The following STRBP variants were observed in gnomAD, a reference collection of about 807,000 sequenced individuals.
STRBP encodes the protein spermatid perinuclear RNA-binding protein.
STRBP carries 13 observed loss-of-function variants against 80.1 expected under a neutral mutation model. That is an observed-to-expected ratio of 0.16 (90% confidence interval 0.11 to 0.26). The LOEUF (loss-of-function observed/expected upper bound fraction) is 0.26. Among genes scored for constraint, STRBP ranks in the 10% least tolerant of loss-of-function variants. The pLI is 1.00. For missense variants in STRBP, 485 were observed against 815.2 expected (o/e 0.59, Z 4.93); for synonymous variants, 284 against 291.2 (o/e 0.98, Z 0.25).
intron 1 of STRBP, among the ~76,000 whole-genome samples, chr9:123,264,627 G>C (rs559680457): frequency 6.6e-5 from 10 of 152,320 alleles, no homozygotes; most frequent in African/African-American, 2.4e-4. Flanking sequence ...GATTTCTAGA[G>C]AAGAAACCAG....
At chr9:123,252,375 G>C (rs963535464) in intron 1 of STRBP, among the ~76,000 whole-genome samples, 8 of 152,138 alleles carry the variant, frequency 5.3e-5, no homozygotes, top group African/African-American at 1.9e-4. Context: ...TTTTAAAAGA[G>C]GAAAGGTCTT....
At chr9:123,189,887 T>G (rs1010749884) in intron 2 of STRBP, among the ~76,000 whole-genome samples, 1 of 151,934 alleles carries the variant, frequency 6.6e-6, no homozygotes, top group Non-Finnish European at 1.5e-5. Context: ...AAAAGATAAA[T>G]TATGTGAGAT....
intron 17 of STRBP, among the ~76,000 whole-genome samples, chr9:123,128,788 A>T (rs890110696): frequency 2.0e-5 from 3 of 152,212 alleles, no homozygotes; most frequent in African/African-American, 7.2e-5. Context: ...CCATTAAAAC[A>T]GGCACATGAG....
chr9:123,221,321 A>G (rs2040059556), intron 2 of STRBP, among the ~76,000 whole-genome samples: 1 of 152,180 alleles, frequency 6.6e-6, no homozygotes, highest in African/African-American at 2.4e-5. Context: ...AAAAGACAGA[A>G]TAGGCATGCT....
chr9:123,143,178 C>T (rs1372916321), intron 13 of STRBP, among the ~76,000 whole-genome samples: 1 of 152,176 alleles, frequency 6.6e-6, no homozygotes, highest in African/African-American at 2.4e-5. Flanking sequence ...AGAACCTCTC[C>T]AAAGAACCTT....
intron 1 of STRBP, among the ~76,000 whole-genome samples, chr9:123,253,934 G>A (rs1464399991): frequency 1.3e-5 from 2 of 152,124 alleles, no homozygotes; most frequent in Non-Finnish European, 2.9e-5. Flanking sequence ...TTGAAGTGAT[G>A]AAAATGTTTT....
rs1319752176 is a variant in STRBP, at chr9:123,116,038, C to T, written c.230G>A (p.Gly77Asp). The change falls in exon 3 of 4, where the codon GGC (glycine) becomes GAC (aspartate). Residue 77 changes from glycine to aspartate, a missense_variant and NMD_transcript_variant. Coordinates refer to the STRBP transcript ENST00000471564. ...TCAGCTTTCCTGAGTTCCCCAGGTG[C>T]CAATTTCCATAGGTTTTTTACCTCC... 1.5e-5 allele frequency: 7 copies of T among 456,250 alleles called. No homozygotes were observed. The East Asian group carries it at 4.2e-4, about 27-fold the overall frequency. 28.3% of individuals were successfully genotyped at this position (456,250 alleles called of 1,614,324 possible). A position where few individuals can be genotyped will look rare whatever the true frequency, so the allele number is the denominator to read the frequency against.
Position 123,224,246 on chromosome 9 carries a change from C to A in STRBP, c.-165+12584G>T, listed in dbSNP as rs1166188968. 2.0e-5 allele frequency among the ~76,000 whole-genome samples: 3 copies of A among 152,318 alleles called. No homozygotes were observed. In the East Asian group the frequency reaches 5.8e-4, roughly 29 times the overall value. On this transcript the variant is annotated intron_variant, in intron 2 of 18. Transcript: ENST00000348403. ...TGCCTTGTCTAATCTTGTCTCCAAT[C>A]ATGGGCCCAAATCTTTTTTGTAACT...
At chr9:123,172,246 T>C in intron 5 of STRBP, among the ~76,000 whole-genome samples, 1 of 152,192 alleles carries the variant, frequency 6.6e-6, no homozygotes, top group East Asian at 1.9e-4. Flanking sequence ...CACTAGTATG[T>C]CTGATTCTGA....
chr9:123,237,913 A>T (rs992543349), intron 1 of STRBP, among the ~76,000 whole-genome samples: 1 of 152,236 alleles, frequency 6.6e-6, no homozygotes, highest in Non-Finnish European at 1.5e-5. Flanking sequence ...GTTAAAGCAT[A>T]GTAGATAAGA....
rs541260733 is a variant in STRBP, at chr9:123,172,342, G to A, written c.390+1335C>T. ...GCTAAAACAAAATAAAAATTGAAAC[G>A]GGAACTTTATTAATATTCTAATAAA... On this transcript the variant is annotated intron_variant, in intron 5 of 18. Transcript: ENST00000348403. 5.5e-4 allele frequency among the ~76,000 whole-genome samples: 83 copies of A among 152,180 alleles called. 1 individual carries two copies. The South Asian group carries it at 0.016, about 30-fold the overall frequency.
intron 3 of STRBP, 57 bp from the exon 4 acceptor site, chr9:123,179,284 G>A (rs1470916162): frequency 6.9e-7 from 1 of 1,455,594 alleles, no homozygotes; most frequent in Non-Finnish European, 9.5e-7. Flanking sequence ...ACCTGAAAAA[G>A]ATGATATACA....
Position 123,124,093 on chromosome 9 carries a change from A to G in STRBP, c.*1504T>C. 1 of 985,442 alleles carries G rather than the reference A, an allele frequency of 1.0e-6. No individual in the cohort carries two copies. The highest frequency in any genetic ancestry group is 5.2e-4 in the Middle Eastern group (1 of 1,914). 61.0% of individuals were successfully genotyped at this position (985,442 alleles called of 1,614,324 possible). A position where few individuals can be genotyped will look rare whatever the true frequency, so the allele number is the denominator to read the frequency against. On this transcript the variant is annotated 3_prime_UTR_variant, in exon 19 of 19. Transcript: ENST00000348403. ...GAAGTGACACTAACATTTGTTGTAC[A>G]TTGCCCATTTCACCTTTATTTAGTG...
chr9:123,235,207 G>C (rs1168458380), intron 2 of STRBP, among the ~76,000 whole-genome samples: 2 of 151,752 alleles, frequency 1.3e-5, no homozygotes, highest in African/African-American at 4.8e-5. Context: ...GTCTGTGGTA[G>C]AAGGCCAAAA....
intron 16 of STRBP, among the ~76,000 whole-genome samples, chr9:123,133,995 G>A (rs2036251145): frequency 6.6e-6 from 1 of 151,980 alleles, no homozygotes; most frequent in Non-Finnish European, 1.5e-5. Flanking sequence ...TATAAAATGA[G>A]AATAATGATA....
chr9:123,216,596 C>CT (rs948075202), intron 2 of STRBP, among the ~76,000 whole-genome samples: 1 of 152,284 alleles, frequency 6.6e-6, no homozygotes, highest in Non-Finnish European at 1.5e-5. Context: ...CAAATCCAAG[C>CT]TTATCAGAGT....
chr9:123,166,391 C>G, intron 6 of STRBP, among the ~76,000 whole-genome samples: 1 of 152,132 alleles, frequency 6.6e-6, no homozygotes, highest in African/African-American at 2.4e-5. Flanking sequence ...AAACAACTTT[C>G]TAAGGTATTT....
At chr9:123,254,175 A>C (rs1197208800) in intron 1 of STRBP, among the ~76,000 whole-genome samples, 2 of 152,194 alleles carry the variant, frequency 1.3e-5, no homozygotes, top group Non-Finnish European at 2.9e-5. Context: ...TTCCTGGTAC[A>C]CATTTCTAAA....
intron 1 of STRBP, among the ~76,000 whole-genome samples, chr9:123,258,665 A>G (rs1012233842): frequency 3.3e-5 from 5 of 152,094 alleles, no homozygotes; most frequent in Non-Finnish European, 7.4e-5. Flanking sequence ...TTAGCCAGGC[A>G]TGGTGGCGGG....
Sources: allele counts gnomAD v4.1 joint callset (sites outside exome capture counted in the v4.1 genomes callset), GRCh38; gene constraint gnomAD v4.1.1; transcripts MANE v1.5; gene names NCBI Gene and HGNC (gene_info 2026-07-23, HGNC 2026-07-21).